The following CLDN16 variants were observed in gnomAD, a reference collection of about 807,000 sequenced individuals.
CLDN16 encodes the protein claudin-16.
A neutral mutation model predicts 24.6 loss-of-function variants in CLDN16; 13 were observed. The ratio of observed to expected loss-of-function variants is 0.53; its 90% CI spans 0.34 to 0.84. CLDN16 has a LOEUF of 0.84. Ranked by LOEUF, CLDN16 falls within the 40% of genes least tolerant of loss-of-function variation. The probability of loss-of-function intolerance (pLI) is 0.01; values close to 1 mark genes in which losing one functional copy is unlikely to be tolerated. For synonymous variants in CLDN16, 116 were observed against 106.7 expected (o/e 1.09, Z -0.54); for missense variants, 298 against 292.7 (o/e 1.02, Z -0.13).
the CLDN16 span, among the ~76,000 whole-genome samples, chr3:190,299,529 ATTC>A: frequency 7.2e-6 from 1 of 138,558 alleles, no homozygotes; most frequent in African/African-American, 2.8e-5. Context: ...TAAGAAATTT[ATTC>A]TTCTGTATTT....
rs3214506 is a variant in CLDN16 at position 190,388,285 on chromosome 3, G to C, written c.-45G>C. The C allele has an allele frequency of 0.22, 352,719 of 1,613,798 alleles. 41,134 individuals are homozygous for C. The highest frequency in any genetic ancestry group is 0.27 in the Middle Eastern group (1,645 of 6,062). On this transcript the variant is annotated 5_prime_UTR_variant, in exon 1 of 5. Transcript: ENST00000264734. ...CACCCGCCACTTAAGTGGGGCCAGG[G>C]CTGGTGTCTGCCCATGTTGCCATCC...
At chr3:190,395,797 T>G (rs570882614) in intron 1 of CLDN16, among the ~76,000 whole-genome samples, 3 of 152,120 alleles carry the variant, frequency 2.0e-5, no homozygotes, top group Admixed American at 2.0e-4. Context: ...TAATGCATAT[T>G]GACAAAAAAT....
At position 190,410,994 on chromosome 3, in the gene CLDN16, A is replaced by G. The variant is rs1719267913; in HGVS notation, c.*958A>G. 1 of 152,154 alleles carries G rather than the reference A, an allele frequency of 6.6e-6. No homozygotes were observed. Among genetic ancestry groups the G allele is most frequent in the Admixed American group, 6.6e-5 (1 of 15,262 alleles). The allele number at this position is 152,154 out of a possible 1,614,324, so 9.4% of individuals were successfully genotyped here. A position where few individuals can be genotyped will look rare whatever the true frequency, so the allele number is the denominator to read the frequency against. The stretch of plus-strand genomic sequence containing the variant: ...AATCAATGTTGCGGCTGGGCACGGT[A>G]GCTCGCGTCTGTAATCCCCGCACTT... On this transcript the variant is annotated 3_prime_UTR_variant, in exon 5 of 5. Transcript: ENST00000264734.
intron 1 of CLDN16, among the ~76,000 whole-genome samples, chr3:190,390,221 A>T (rs954555152): frequency 6.6e-6 from 1 of 152,206 alleles, no homozygotes; most frequent in Non-Finnish European, 1.5e-5. Flanking sequence ...TATTGCTATA[A>T]TATTCCCAAG....
intron 1 of CLDN16, among the ~76,000 whole-genome samples, chr3:190,333,759 CT>C (rs1490264031): frequency 6.6e-6 from 1 of 152,052 alleles, no homozygotes; most frequent in African/African-American, 2.4e-5. Context: ...ATTTTTCACT[CT>C]CTATTACACA....
At chr3:190,331,881 C>T (rs1367410978) in intron 1 of CLDN16, among the ~76,000 whole-genome samples, 1 of 152,222 alleles carries the variant, frequency 6.6e-6, no homozygotes, top group Non-Finnish European at 1.5e-5. Flanking sequence ...AGGCTCCATT[C>T]CTTGTCCTGG....
chr3:190,342,427 A>G (rs999272842), intron 1 of CLDN16, among the ~76,000 whole-genome samples: 3 of 152,206 alleles, frequency 2.0e-5, no homozygotes, highest in Admixed American at 6.5e-5. Context: ...GCAAATAATG[A>G]CCTAGGTGAA....
chr3:190,371,035 T>TATATATATATATATAA, intron 2 of CLDN16: 1 of 2,426 alleles, frequency 4.1e-4, no homozygotes, highest in African/African-American at 1.0e-3. Context: ...TATATATATA[T>TATATATATATATATAA]ATATAAAATA....
the CLDN16 span, among the ~76,000 whole-genome samples, chr3:190,316,070 TG>T: frequency 1.3e-5 from 2 of 152,210 alleles, no homozygotes; most frequent in African/African-American, 4.8e-5. Context: ...TCCAAGGGGC[TG>T]GGGACTGATA....
At chr3:190,363,649 T>A (rs1390959225) in intron 1 of CLDN16, among the ~76,000 whole-genome samples, 1 of 144,634 alleles carries the variant, frequency 6.9e-6, no homozygotes, top group Admixed American at 7.0e-5. Context: ...ATTAGTTACT[T>A]GCAAGAGTTG....
At chr3:190,323,174 C>A (rs1716981697) in intron 1 of CLDN16, among the ~76,000 whole-genome samples, 1 of 152,164 alleles carries the variant, frequency 6.6e-6, no homozygotes, top group South Asian at 2.1e-4. Context: ...TGCAGGCTAG[C>A]AGCCCTTCCC....
At chr3:190,365,948 C>A (rs1328727599) in intron 1 of CLDN16, among the ~76,000 whole-genome samples, 1 of 151,836 alleles carries the variant, frequency 6.6e-6, no homozygotes, top group Non-Finnish European at 1.5e-5. Flanking sequence ...AATTCTTAAG[C>A]AAGGGGGAGC....
chr3:190,384,221 A>G (rs942051147), upstream of CLDN16, among the ~76,000 whole-genome samples: 2 of 152,176 alleles, frequency 1.3e-5, no homozygotes, highest in African/African-American at 2.4e-5. Context: ...TTAGAAGACT[A>G]TTTATAGGAT....
At chr3:190,333,364 A>G (rs1175777623) in intron 1 of CLDN16, among the ~76,000 whole-genome samples, 1 of 152,188 alleles carries the variant, frequency 6.6e-6, no homozygotes, top group African/African-American at 2.4e-5. Flanking sequence ...ATTTGGGCCA[A>G]TGGCACTGTA....
At chr3:190,394,159 G>T (rs994547332) in intron 1 of CLDN16, among the ~76,000 whole-genome samples, 1 of 152,046 alleles carries the variant, frequency 6.6e-6, no homozygotes, top group Non-Finnish European at 1.5e-5. Context: ...CATTTACAAA[G>T]AAAATAAATT....
the CLDN16 span, among the ~76,000 whole-genome samples, chr3:190,298,962 A>G: frequency 6.6e-6 from 1 of 152,204 alleles, no homozygotes; most frequent in Non-Finnish European, 1.5e-5. Flanking sequence ...TCTCAAAAAT[A>G]TATGCTTATT....
At chr3:190,407,005 G>A (rs908250453) in intron 3 of CLDN16, among the ~76,000 whole-genome samples, 29 of 152,050 alleles carry the variant, frequency 1.9e-4, no homozygotes, top group Admixed American at 3.9e-4. Context: ...CCCCCAAAGC[G>A]CTGGGATTAC....
chr3:190,317,108 T>G, the CLDN16 span, among the ~76,000 whole-genome samples: 1 of 152,328 alleles, frequency 6.6e-6, no homozygotes, highest in East Asian at 1.9e-4. Flanking sequence ...TTGGATGAGA[T>G]AGATGTTGTA....
chr3:190,400,374 A>G (rs1173710032), intron 1 of CLDN16, among the ~76,000 whole-genome samples: 1 of 152,050 alleles, frequency 6.6e-6, no homozygotes, highest in Non-Finnish European at 1.5e-5. Flanking sequence ...CTGGGATTAC[A>G]GGCACGCACC....
Sources: gnomAD v4.1 joint callset for allele counts (sites outside exome capture counted in the v4.1 genomes callset) on GRCh38, gnomAD v4.1.1 for gene constraint, MANE v1.5 for transcripts, NCBI Gene and HGNC (gene_info 2026-07-23, HGNC 2026-07-21) for gene names.